The following OPCML variants were observed in gnomAD, a reference collection of about 807,000 sequenced individuals.
The protein encoded by OPCML is opioid-binding protein/cell adhesion molecule.
Under a neutral mutation model 37.8 loss-of-function variants are expected in OPCML, and 13 were observed. That is an observed-to-expected ratio of 0.34 (90% confidence interval 0.22 to 0.55). The LOEUF (loss-of-function observed/expected upper bound fraction) is 0.55. Ranked by LOEUF, OPCML falls within the 20% of genes least tolerant of loss-of-function variation. The pLI is 0.91. For missense variants in OPCML, 341 were observed against 435.6 expected (o/e 0.78, Z 1.93); for synonymous variants, 176 against 168.8 (o/e 1.04, Z -0.33).
chr11:132,574,259 G>GTT (rs1400106159), intron 3 of OPCML, among the ~76,000 whole-genome samples: 2 of 137,258 alleles, frequency 1.5e-5, no homozygotes, highest in Admixed American at 1.4e-4. Context: ...TTTTTTTTTG[G>GTT]TTTTTTTGTT....
At chr11:133,285,416 A>C (rs992136314) in intron 1 of OPCML, among the ~76,000 whole-genome samples, 3 of 152,204 alleles carry the variant, frequency 2.0e-5, no homozygotes, top group African/African-American at 7.2e-5. Flanking sequence ...GCCGGACTGG[A>C]GGACAATCTT....
rs564897580 is a variant in OPCML at position 132,701,829 on chromosome 11, T to A, written c.147-44510A>T. On this transcript the variant is annotated intron_variant, in intron 2 of 7. Coordinates refer to ENST00000524381, the MANE Select transcript of OPCML (RefSeq NM_001012393.5). ...TGGGCGTGTGCTTTCCTTTTTTTTTTATCTTTTGTGTATCTACTATAGGTG... is the reference window on the plus strand; with the variant it reads ...TGGGCGTGTGCTTTCCTTTTTTTTTAATCTTTTGTGTATCTACTATAGGTG... Among the ~76,000 whole-genome samples, 5 of 142,106 alleles carry A rather than the reference T, an allele frequency of 3.5e-5. No individual in the cohort carries two copies. In the East Asian group the frequency reaches 8.3e-4, roughly 23 times the overall value. The allele number at this position is 142,106 out of a possible 152,430, so 93.2% of individuals were successfully genotyped here. A position where few individuals can be genotyped will look rare whatever the true frequency, so the allele number is the denominator to read the frequency against.
chr11:133,141,101 A>AAGC (rs1949816082), intron 1 of OPCML, among the ~76,000 whole-genome samples: 1 of 139,696 alleles, frequency 7.2e-6, no homozygotes, highest in African/African-American at 2.6e-5. Flanking sequence ...GAAGGAGAAG[A>AAGC]AGAAGCAGCT....
At chr11:133,341,067 A>C (rs1221430868) in intron 1 of OPCML, among the ~76,000 whole-genome samples, 1 of 152,076 alleles carries the variant, frequency 6.6e-6, no homozygotes, top group Non-Finnish European at 1.5e-5. Context: ...TTATTAACTC[A>C]TAGCTCTGTC....
intron 3 of OPCML, among the ~76,000 whole-genome samples, chr11:132,609,732 C>G (rs1424986964): frequency 6.6e-6 from 1 of 152,082 alleles, no homozygotes; most frequent in African/African-American, 2.4e-5. Context: ...ATAGCTATCA[C>G]CCTTTCATTC....
chr11:133,223,851 C>G (rs1189327216), intron 1 of OPCML, among the ~76,000 whole-genome samples: 2 of 152,224 alleles, frequency 1.3e-5, no homozygotes, highest in African/African-American at 2.4e-5. Flanking sequence ...CCCTTGGCCA[C>G]ATCTGACCCA....
chr11:132,426,174 A>G (rs2095977091), intron 7 of OPCML, among the ~76,000 whole-genome samples: 1 of 152,226 alleles, frequency 6.6e-6, no homozygotes, highest in African/African-American at 2.4e-5. Context: ...GGGGACAGGT[A>G]TACAGACAAA....
At chr11:132,566,275 TAATTAA>T (rs574037449) in intron 3 of OPCML, among the ~76,000 whole-genome samples, 102 of 152,378 alleles carry the variant, frequency 6.7e-4, no homozygotes, top group Non-Finnish European at 1.2e-3. Flanking sequence ...TGTATATGTA[TAATTAA>T]GGAAGCTAGA....
chr11:132,913,660 G>T (rs1056780635), intron 2 of OPCML, among the ~76,000 whole-genome samples: 17 of 152,158 alleles, frequency 1.1e-4, no homozygotes, highest in African/African-American at 4.1e-4. Flanking sequence ...AACCCGCACT[G>T]CCTTGGGACT....
At chr11:133,369,458 GA>G (rs1213274977) in intron 1 of OPCML, among the ~76,000 whole-genome samples, 23 of 152,146 alleles carry the variant, frequency 1.5e-4, no homozygotes, top group African/African-American at 5.6e-4. Flanking sequence ...ATGCTGTAGA[GA>G]AGGAAAGCTT....
intron 2 of OPCML, among the ~76,000 whole-genome samples, chr11:132,816,547 G>A (rs928284913): frequency 6.6e-6 from 1 of 152,140 alleles, no homozygotes; most frequent in Non-Finnish European, 1.5e-5. Context: ...CAAGAAGTGG[G>A]CATTTACCTC....
At chr11:132,710,287 T>G (rs1279910451) in intron 2 of OPCML, among the ~76,000 whole-genome samples, 1 of 152,186 alleles carries the variant, frequency 6.6e-6, no homozygotes, top group Non-Finnish European at 1.5e-5. Context: ...TATGATAGAA[T>G]ATAAAATAGC....
intron 2 of OPCML, among the ~76,000 whole-genome samples, chr11:132,790,922 T>A (rs1429932155): frequency 5.3e-5 from 8 of 152,188 alleles, no homozygotes. Flanking sequence ...TGTGAGGATA[T>A]CAGGAAAACC....
intron 2 of OPCML, among the ~76,000 whole-genome samples, chr11:132,662,297 T>C (rs79030268): frequency 0.022 from 3,366 of 151,978 alleles, 108 homozygotes; most frequent in African/African-American, 0.066. Context: ...CTTAAAGAAA[T>C]GAGGCAAGTG....
At chr11:132,663,579 G>C (rs1182548481) in intron 2 of OPCML, among the ~76,000 whole-genome samples, 2 of 152,178 alleles carry the variant, frequency 1.3e-5, no homozygotes, top group African/African-American at 4.8e-5. Flanking sequence ...AGAAGTCCTT[G>C]CATCATATCA....
At chr11:133,433,615 CACAGGAGTCGTGA>C (rs1329515718) in intron 1 of OPCML, among the ~76,000 whole-genome samples, 1 of 152,186 alleles carries the variant, frequency 6.6e-6, no homozygotes, top group Admixed American at 6.5e-5. Flanking sequence ...ATGGGAGCCA[CACAGGAGTCGTGA>C]ATTAACACTC....
At chr11:132,574,565 GT>G (rs1275869970) in intron 3 of OPCML, among the ~76,000 whole-genome samples, 1 of 151,740 alleles carries the variant, frequency 6.6e-6, no homozygotes, top group East Asian at 1.9e-4. Context: ...TTTTTATGAA[GT>G]TTTAAATTTT....
At chr11:132,733,759 G>T (rs1945162748) in intron 2 of OPCML, among the ~76,000 whole-genome samples, 1 of 152,174 alleles carries the variant, frequency 6.6e-6, no homozygotes, top group African/African-American at 2.4e-5. Context: ...AGAGAAAAGT[G>T]TGCTGAGAAA....
At chr11:132,841,495 T>TC (rs1329588290) in intron 2 of OPCML, among the ~76,000 whole-genome samples, 1 of 152,000 alleles carries the variant, frequency 6.6e-6, no homozygotes, top group Non-Finnish European at 1.5e-5. Flanking sequence ...ATTCAAAGAT[T>TC]CCCCCGGGCT....
Sources: gnomAD v4.1 joint callset for allele counts (sites outside exome capture counted in the v4.1 genomes callset) on GRCh38, gnomAD v4.1.1 for gene constraint, MANE v1.5 for transcripts, NCBI Gene and HGNC (gene_info 2026-07-23, HGNC 2026-07-21) for gene names.